Variants in PLCB4 observed in about 807,000 individuals in gnomAD.
The protein encoded by PLCB4 is phospholipase C beta 4, also known as 1-phosphatidylinositol 4,5-bisphosphate phosphodiesterase beta-4.
Under a neutral mutation model 178.8 loss-of-function variants are expected in PLCB4, and 77 were observed. The ratio of observed to expected loss-of-function variants is 0.43; its 90% CI spans 0.36 to 0.52. PLCB4 has a LOEUF of 0.52. PLCB4 is among the 20% of genes least tolerant of loss of function. The pLI is 0.00. For synonymous variants in PLCB4, 496 were observed against 490.8 expected (o/e 1.01, Z -0.14); for missense variants, 1,024 against 1,453.4 (o/e 0.70, Z 4.80).
rs1192251413 is a variant in PLCB4 at position 9,356,168 on chromosome 20, A to C, written c.370-6728A>C. On this transcript the variant is annotated intron_variant, in intron 7 of 39. Transcript: ENST00000378473. ...TGTTTTTTTCTTGTAAATTTGTTTG[A>C]GTTCATTGTAGATTCTGGATATTAG... Among the ~76,000 whole-genome samples the C allele has an allele frequency of 2.6e-5, 4 of 151,954 alleles. No homozygotes were observed. The East Asian group carries it at 7.7e-4, about 29-fold the overall frequency.
At chr20:9,159,170 T>C (rs989687628) in intron 2 of PLCB4, among the ~76,000 whole-genome samples, 4 of 152,306 alleles carry the variant, frequency 2.6e-5, no homozygotes, top group Admixed American at 6.5e-5. Context: ...TGGGTGATTT[T>C]TATCCAAGTT....
At chr20:9,394,137 G>A (rs1198058653) in intron 18 of PLCB4, among the ~76,000 whole-genome samples, 2 of 151,984 alleles carry the variant, frequency 1.3e-5, no homozygotes, top group African/African-American at 2.4e-5. Context: ...ATATAAACAT[G>A]TTTCCTTTTA....
At chr20:9,454,001 T>C (rs1249449443) in intron 33 of PLCB4, among the ~76,000 whole-genome samples, 1 of 152,214 alleles carries the variant, frequency 6.6e-6, no homozygotes, top group Non-Finnish European at 1.5e-5. Flanking sequence ...AGTGCTTGTT[T>C]TCCACTCTGG....
At chr20:9,360,270 G>A (rs1814243711) in intron 7 of PLCB4, among the ~76,000 whole-genome samples, 1 of 152,218 alleles carries the variant, frequency 6.6e-6, no homozygotes, top group Admixed American at 6.5e-5. Context: ...CATGGGCCCT[G>A]TCACTGGAGT....
rs1423848721 is a variant in PLCB4 at position 9,466,851 on chromosome 20, G to A, written c.3249-1720G>A. Among the ~76,000 whole-genome samples the A allele has an allele frequency of 5.3e-5, 8 of 152,086 alleles. No homozygotes were observed. The East Asian group carries it at 5.8e-4, about 11-fold the overall frequency. ...TGGTGGGAGTGTAAATTTGTTCAAC[G>A]ATTGTGGAAGACAGTGTGGCGATTC... On this transcript the variant is annotated intron_variant, in intron 35 of 39. Transcript: ENST00000378473.
Position 9,346,681 on chromosome 20 carries a change from G to A in PLCB4, c.369+7644G>A, listed in dbSNP as rs184342758. On this transcript the variant is annotated intron_variant, in intron 7 of 39. Transcript: ENST00000378473. The stretch of plus-strand genomic sequence containing the variant: ...CATTGGAAACAAATCAATGAGGGGG[G>A]GCATTAAGCTGTCCGGAGTGCAGAG... 2.0e-5 allele frequency among the ~76,000 whole-genome samples: 3 copies of A among 152,070 alleles called. No individual in the cohort carries two copies. In the South Asian group the frequency reaches 6.2e-4, roughly 31 times the overall value.
intron 2 of PLCB4, among the ~76,000 whole-genome samples, chr20:9,205,300 T>C (rs1369301570): frequency 6.6e-6 from 1 of 152,186 alleles, no homozygotes; most frequent in African/African-American, 2.4e-5. Flanking sequence ...GGAGCACATT[T>C]AAGGTAGGCT....
chr20:9,113,498 C>T (rs903122648), intron 2 of PLCB4, among the ~76,000 whole-genome samples: 6 of 151,992 alleles, frequency 3.9e-5, no homozygotes, highest in African/African-American at 7.2e-5. Flanking sequence ...TGGGAAAATC[C>T]GAATAACTGC....
intron 22 of PLCB4, 144 bp downstream of exon 22, chr20:9,408,202 A>G (rs2039588556): frequency 1.4e-6 from 1 of 695,476 alleles, no homozygotes; most frequent in East Asian, 2.5e-5. Context: ...CACAGACCAT[A>G]GAAGCCACCT....
intron 3 of PLCB4, among the ~76,000 whole-genome samples, chr20:9,279,398 G>A (rs981991561): frequency 3.3e-5 from 5 of 151,958 alleles, no homozygotes; most frequent in Admixed American, 2.6e-4. Flanking sequence ...AAGTACTTGG[G>A]ATTTAAAGGA....
At chr20:9,300,896 A>T (rs1363391283) in intron 3 of PLCB4, among the ~76,000 whole-genome samples, 1 of 152,056 alleles carries the variant, frequency 6.6e-6, no homozygotes, top group Non-Finnish European at 1.5e-5. Context: ...GGCTGAAAGT[A>T]ACCAAAATTT....
chr20:9,259,870 G>C (rs987275635), intron 3 of PLCB4, among the ~76,000 whole-genome samples: 8 of 151,854 alleles, frequency 5.3e-5, no homozygotes, highest in Admixed American at 5.2e-4. Context: ...TAATATTTTG[G>C]ATGTATTTGG....
At chr20:9,432,251 A>T (rs2041470855) in intron 28 of PLCB4, among the ~76,000 whole-genome samples, 1 of 152,214 alleles carries the variant, frequency 6.6e-6, no homozygotes, top group South Asian at 2.1e-4. Flanking sequence ...GGATCATTTA[A>T]TATCTTGCTT....
chr20:9,312,502 G>A (rs2094849023), intron 4 of PLCB4, among the ~76,000 whole-genome samples: 1 of 151,836 alleles, frequency 6.6e-6, no homozygotes, highest in African/African-American at 2.4e-5. Context: ...CTAAAGTCAG[G>A]CACAGTGGGA....
chr20:9,347,101 A>T (rs934106549), intron 7 of PLCB4, among the ~76,000 whole-genome samples: 1 of 152,230 alleles, frequency 6.6e-6, no homozygotes, highest in Non-Finnish European at 1.5e-5. Flanking sequence ...GATTTTGTGA[A>T]CTCAGATGCC....
intron 9 of PLCB4, among the ~76,000 whole-genome samples, chr20:9,369,485 A>G (rs1205445514): frequency 1.3e-5 from 2 of 152,208 alleles, no homozygotes; most frequent in Non-Finnish European, 2.9e-5. Context: ...AAAAATGTAA[A>G]CATAGCACCC....
intron 33 of PLCB4, 52 bp from the exon 34 acceptor site, chr20:9,457,362 G>T: frequency 1.2e-6 from 1 of 857,464 alleles, no homozygotes; most frequent in Non-Finnish European, 2.0e-6. Context: ...AGACCCATGG[G>T]AATGGGAAAA....
At chr20:9,137,215 T>C (rs1346143065) in intron 2 of PLCB4, among the ~76,000 whole-genome samples, 3 of 152,094 alleles carry the variant, frequency 2.0e-5, no homozygotes, top group Non-Finnish European at 4.4e-5. Context: ...CTTATTAAAC[T>C]CCCTTGTTGC....
chr20:9,468,544 GT>G, intron 35 of PLCB4, 26 bp from the exon 36 acceptor site: 1 of 1,400,372 alleles, frequency 7.1e-7, no homozygotes, highest in Non-Finnish European at 1.0e-6. Flanking sequence ...CCCCCTCCCT[GT>G]TTGTTTTCTT....
Sources: gnomAD v4.1 joint callset for allele counts (sites outside exome capture counted in the v4.1 genomes callset) on GRCh38, gnomAD v4.1.1 for gene constraint, MANE v1.5 for transcripts, NCBI Gene and HGNC (gene_info 2026-07-23, HGNC 2026-07-21) for gene names.